CDH12: variants seen among roughly 807,000 people sequenced by gnomAD.
The protein encoded by CDH12 is cadherin-12.
Under a neutral mutation model 74.1 loss-of-function variants are expected in CDH12, and 41 were observed. That is an observed-to-expected ratio of 0.55 (90% CI 0.43 to 0.72). CDH12 has a LOEUF of 0.72. CDH12 is among the 30% of genes least tolerant of loss of function. The pLI is 0.00. For missense variants in CDH12, 945 were observed against 977.2 expected (o/e 0.97, Z 0.44); for synonymous variants, 399 against 355.0 (o/e 1.12, Z -1.39).
At chr5:21,801,216 A>G (rs931506885) in intron 10 of CDH12, among the ~76,000 whole-genome samples, 2 of 152,194 alleles carry the variant, frequency 1.3e-5, no homozygotes, top group Admixed American at 6.5e-5. Context: ...CCATTGTTTT[A>G]ATCTTTACTT....
In CDH12 at chr5:22,120,577, C is replaced by A. The variant is rs140580665; in HGVS notation, c.-186-41715G>T. ...TTGACATAATGAATAATATATTTAA[C>A]TTGTTCTTTAATATATGGAAATGTG... On this transcript the variant is annotated intron_variant, in intron 4 of 14. Transcript: ENST00000382254. 8.8e-3 allele frequency among the ~76,000 whole-genome samples: 1,331 copies of A among 152,054 alleles called. 12 individuals carry two copies. Among genetic ancestry groups the A allele is most frequent in the Non-Finnish European group, 0.015 (986 of 67,952 alleles).
intron 3 of CDH12, among the ~76,000 whole-genome samples, chr5:22,226,062 C>G (rs1752183910): frequency 1.3e-5 from 2 of 151,954 alleles, no homozygotes; most frequent in Non-Finnish European, 1.5e-5. Flanking sequence ...TAGCTACTTT[C>G]CCACAGTCTT....
chr5:22,469,863 C>T (rs1396261996), intron 2 of CDH12, among the ~76,000 whole-genome samples: 1 of 152,222 alleles, frequency 6.6e-6, no homozygotes, highest in Non-Finnish European at 1.5e-5. Flanking sequence ...ACTGTGCAAT[C>T]TCATAGCAAA....
intron 1 of CDH12, among the ~76,000 whole-genome samples, chr5:22,516,262 G>C (rs1736802349): frequency 6.6e-6 from 1 of 152,006 alleles, no homozygotes; most frequent in South Asian, 2.1e-4. Context: ...CAAATAATTT[G>C]TCACTATGTA....
At chr5:22,823,285 A>G (rs759168533) in intron 1 of CDH12, among the ~76,000 whole-genome samples, 1 of 151,872 alleles carries the variant, frequency 6.6e-6, no homozygotes, top group Admixed American at 6.6e-5. Context: ...CTAATGCTAA[A>G]TGACGAGTTA....
intron 1 of CDH12, among the ~76,000 whole-genome samples, chr5:22,696,917 TC>T (rs1291154253): frequency 4.6e-5 from 7 of 151,836 alleles, no homozygotes; most frequent in Non-Finnish European, 7.4e-5. Flanking sequence ...AGAACCTTGG[TC>T]TCTAGCACTG....
chr5:21,807,089 C>T (rs1747468963), intron 9 of CDH12, among the ~76,000 whole-genome samples: 1 of 152,274 alleles, frequency 6.6e-6, no homozygotes, highest in East Asian at 1.9e-4. Flanking sequence ...CTACAGATAA[C>T]ATCACCATTG....
At chr5:21,763,735 T>C (rs944612238) in intron 12 of CDH12, among the ~76,000 whole-genome samples, 1 of 152,138 alleles carries the variant, frequency 6.6e-6, no homozygotes, top group Non-Finnish European at 1.5e-5. Context: ...CATAAGACTT[T>C]AGGAGGAAAA....
intron 3 of CDH12, among the ~76,000 whole-genome samples, chr5:22,387,839 A>T (rs913405938): frequency 6.6e-6 from 1 of 152,118 alleles, no homozygotes; most frequent in South Asian, 2.1e-4. Context: ...ATCTGCTCCC[A>T]GAGCTTTTTT....
At chr5:22,520,366 A>C (rs1736999712) in intron 1 of CDH12, among the ~76,000 whole-genome samples, 2 of 152,226 alleles carry the variant, frequency 1.3e-5, no homozygotes, top group African/African-American at 4.8e-5. Flanking sequence ...ATAGATAAAT[A>C]TGCATGCAAC....
At position 22,840,113 on chromosome 5, in the gene CDH12, T is replaced by C. The variant is rs1581052342; in HGVS notation, c.-523+12945A>G. Among the ~76,000 whole-genome samples the C allele has an allele frequency of 3.9e-5, 6 of 152,214 alleles. 1 individual carries two copies. Among genetic ancestry groups the C allele is most frequent in the Admixed American group, 3.9e-4 (6 of 15,278 alleles). On this transcript the variant is annotated intron_variant, in intron 1 of 14. Transcript: ENST00000382254. ...AGATGACTTTTTAAAATCTTTTTCT[T>C]TTTTGTTTTTGTTTGTTGTTTGTTT...
intron 4 of CDH12, among the ~76,000 whole-genome samples, chr5:22,083,965 G>A (rs1403392251): frequency 6.6e-6 from 1 of 152,102 alleles, no homozygotes; most frequent in Admixed American, 6.6e-5. Flanking sequence ...GGAGATTTAA[G>A]CTATCAGGTC....
intron 6 of CDH12, among the ~76,000 whole-genome samples, chr5:21,897,264 G>A (rs746233813): frequency 2.0e-5 from 3 of 152,186 alleles, no homozygotes; most frequent in Non-Finnish European, 4.4e-5. Context: ...TAACTGAAAT[G>A]TATTGGTCAG....
chr5:22,786,634 A>G (rs1226502735), intron 1 of CDH12, among the ~76,000 whole-genome samples: 1 of 152,152 alleles, frequency 6.6e-6, no homozygotes, highest in Non-Finnish European at 1.5e-5. Flanking sequence ...ATGATGTGTG[A>G]CATCTTCATT....
intron 3 of CDH12, among the ~76,000 whole-genome samples, chr5:22,310,865 C>T (rs1024177803): frequency 5.9e-5 from 9 of 152,276 alleles, no homozygotes; most frequent in Admixed American, 3.9e-4. Flanking sequence ...CAAAGTCACC[C>T]TTACTCACCA....
chr5:22,556,763 G>T (rs1166077315), intron 1 of CDH12, among the ~76,000 whole-genome samples: 3 of 151,942 alleles, frequency 2.0e-5, no homozygotes, highest in African/African-American at 7.2e-5. Context: ...TTTTCTTAGA[G>T]TATTTACTTT....
chr5:22,046,080 A>G (rs1739931462), intron 5 of CDH12, among the ~76,000 whole-genome samples: 1 of 152,192 alleles, frequency 6.6e-6, no homozygotes, highest in Non-Finnish European at 1.5e-5. Context: ...GGGCATGTCT[A>G]ATCAGAATTA....
chr5:21,858,947 G>A (rs1252772764), intron 6 of CDH12, among the ~76,000 whole-genome samples: 2 of 151,752 alleles, frequency 1.3e-5, no homozygotes. Context: ...ATTAACTTAT[G>A]GATTCCCTTA....
chr5:22,038,918 A>T (rs1739374692), intron 5 of CDH12, among the ~76,000 whole-genome samples: 1 of 152,132 alleles, frequency 6.6e-6, no homozygotes, highest in South Asian at 2.1e-4. Flanking sequence ...ACTCTGGTTC[A>T]TTGGAGCTGC....
Sources: gnomAD v4.1 joint callset for allele counts (sites outside exome capture counted in the v4.1 genomes callset) on GRCh38, gnomAD v4.1.1 for gene constraint, MANE v1.5 for transcripts, NCBI Gene and HGNC (gene_info 2026-07-23, HGNC 2026-07-21) for gene names.